The following RBPMS variants were observed in gnomAD, a reference collection of about 807,000 sequenced individuals.
RBPMS encodes the protein RNA-binding protein with multiple splicing.
RBPMS carries 7 observed loss-of-function variants against 26.8 expected under a neutral mutation model. That is an observed-to-expected ratio of 0.26 (90% CI 0.15 to 0.49). RBPMS has a LOEUF of 0.49. Ranked by LOEUF, RBPMS falls within the 20% of genes least tolerant of loss-of-function variation. The pLI, the probability that RBPMS is intolerant of heterozygous loss-of-function variation, is 0.98. For synonymous variants in RBPMS, 96 were observed against 93.3 expected (o/e 1.03, Z -0.17); for missense variants, 186 against 250.0 (o/e 0.74, Z 1.73).
At chr8:30,535,438 A>G (rs1307026787) in intron 5 of RBPMS, among the ~76,000 whole-genome samples, 3 of 152,194 alleles carry the variant, frequency 2.0e-5, no homozygotes, top group Non-Finnish European at 4.4e-5. Flanking sequence ...AAGAAAGGAT[A>G]TCTGGTCTTT....
intron 5 of RBPMS, among the ~76,000 whole-genome samples, chr8:30,523,631 C>T (rs1029392767): frequency 6.6e-6 from 1 of 151,086 alleles, no homozygotes. Flanking sequence ...AAAATTGTAA[C>T]TGTAAAGATA....
chr8:30,421,910 G>A (rs980217537), intron 1 of RBPMS, among the ~76,000 whole-genome samples: 2 of 151,356 alleles, frequency 1.3e-5, no homozygotes, highest in Non-Finnish European at 2.9e-5. Context: ...AGTCAAGATC[G>A]CAACACTGCA....
intron 4 of RBPMS, among the ~76,000 whole-genome samples, chr8:30,502,689 C>T (rs964502580): frequency 1.4e-4 from 22 of 152,290 alleles, no homozygotes; most frequent in Non-Finnish European, 2.6e-4. Flanking sequence ...TTCTTAGGTC[C>T]ATTCTTGGAA....
At chr8:30,500,924 T>C (rs193250190) in intron 4 of RBPMS, among the ~76,000 whole-genome samples, 4 of 152,152 alleles carry the variant, frequency 2.6e-5, no homozygotes, top group Non-Finnish European at 5.9e-5. Context: ...AGTCCCTTCA[T>C]TGAGTCTGTC....
At chr8:30,511,483 AAAAATATATATATATATATATATAT>A (rs1172015110) in intron 5 of RBPMS, among the ~76,000 whole-genome samples, 112 of 4,604 alleles carry the variant, frequency 0.024, 2 homozygotes, top group Middle Eastern at 0.083. Flanking sequence ...AAAAAAAAAA[AAAAATATATATATATATATATATAT>A]ATATATATAT....
chr8:30,490,737 G>A (rs1226861939), intron 4 of RBPMS, among the ~76,000 whole-genome samples: 9 of 152,132 alleles, frequency 5.9e-5, no homozygotes, highest in African/African-American at 2.2e-4. Flanking sequence ...CTGACTTAGA[G>A]TTTATAGATA....
chr8:30,546,681 G>A (rs982585184), intron 6 of RBPMS, among the ~76,000 whole-genome samples: 1 of 152,192 alleles, frequency 6.6e-6, no homozygotes, highest in South Asian at 2.1e-4. Flanking sequence ...CTCTCCTCTG[G>A]TATCAGTTTT....
At position 30,478,603 on chromosome 8, in the gene RBPMS, G is replaced by A. The variant is rs529013546; in HGVS notation, c.184-712G>A. ...CAACCTCCGCCTCCCAGGTTCAAGT[G>A]ATTCTCCTGCCTCAGCCTCCCAAAT... On this transcript the variant is annotated intron_variant, in intron 3 of 8. Transcript: ENST00000397323. Among the ~76,000 whole-genome samples the A allele has an allele frequency of 2.8e-3, 419 of 151,646 alleles. 1 individual carries two copies. Among genetic ancestry groups the A allele is most frequent in the Non-Finnish European group, 3.2e-3 (218 of 67,958 alleles).
chr8:30,443,087 C>T (rs1477808115), intron 1 of RBPMS, among the ~76,000 whole-genome samples: 2 of 152,192 alleles, frequency 1.3e-5, no homozygotes, highest in African/African-American at 4.8e-5. Flanking sequence ...GCAGTGGCTC[C>T]TCCGTACGGA....
chr8:30,522,272 T>TAA (rs570609747), intron 5 of RBPMS, among the ~76,000 whole-genome samples: 10 of 136,232 alleles, frequency 7.3e-5, no homozygotes, highest in South Asian at 2.3e-4. Context: ...CATCTCTATT[T>TAA]AAAAAAAAAA....
In RBPMS at chr8:30,532,768, G is replaced by A. The variant is rs988271428; in HGVS notation, c.398-11726G>A. Among the ~76,000 whole-genome samples, 4 of 152,024 alleles carry A rather than the reference G, an allele frequency of 2.6e-5. No homozygotes were observed. In the South Asian group the frequency reaches 6.2e-4, roughly 24 times the overall value. ...CCCTCCAAAGAGTTCCCAGGTCTTC[G>A]GACACTTTTCAGATGACATACCACA... On this transcript the variant is annotated intron_variant, in intron 5 of 8. Transcript: ENST00000397323.
chr8:30,511,484 A>T (rs969443275), intron 5 of RBPMS, among the ~76,000 whole-genome samples: 162 of 6,080 alleles, frequency 0.027, 1 homozygote, highest in African/African-American at 0.054. Context: ...AAAAAAAAAA[A>T]AAATATATAT....
intron 6 of RBPMS, among the ~76,000 whole-genome samples, chr8:30,548,750 C>T (rs947730309): frequency 6.6e-6 from 1 of 152,192 alleles, no homozygotes; most frequent in African/African-American, 2.4e-5. Flanking sequence ...GGTGGACTAC[C>T]TGAACTGCAG....
Position 30,384,745 on chromosome 8 carries a change from G to GCTTC in RBPMS, c.-331_-328dup, listed in dbSNP as rs746653670. 7.7e-5 allele frequency: 16 copies of GCTTC among 209,026 alleles called. No individual in the cohort carries two copies. Among genetic ancestry groups the GCTTC allele is most frequent in the Admixed American group, 1.8e-4 (3 of 16,464 alleles). The allele number at this position is 209,026 out of a possible 1,614,324, so 12.9% of individuals were successfully genotyped here. On this transcript the variant is annotated 5_prime_UTR_variant, in exon 1 of 9. Coordinates refer to ENST00000397323, the MANE Select transcript of RBPMS (RefSeq NM_001008710.3). The surrounding 1 kb of genome is among the most constrained non-coding windows in gnomAD (Gnocchi z 5.6). ...GACGCGCGTCCTCGCCCCATCCTTTGCTTCCTTCCTTCCTTCCTTCTTCCT... is the reference window on the plus strand; with the variant it reads ...GACGCGCGTCCTCGCCCCATCCTTTGCTTCCTTCCTTCCTTCCTTCCTTCTTCCT...
At chr8:30,438,378 C>G (rs370434991) in intron 1 of RBPMS, among the ~76,000 whole-genome samples, 4 of 152,282 alleles carry the variant, frequency 2.6e-5, no homozygotes, top group African/African-American at 9.6e-5. Context: ...TAAGTGGAAC[C>G]AGGAAGTGTT....
intron 4 of RBPMS, among the ~76,000 whole-genome samples, chr8:30,486,248 G>A (rs1005301719): frequency 6.6e-6 from 1 of 151,950 alleles, no homozygotes; most frequent in African/African-American, 2.4e-5. Flanking sequence ...ACTGAGGCAC[G>A]AGAATCACTT....
intron 6 of RBPMS, among the ~76,000 whole-genome samples, chr8:30,549,761 C>CT (rs199665644): frequency 0.031 from 2,830 of 90,032 alleles, 104 homozygotes; most frequent in African/African-American, 0.15. Flanking sequence ...CTTTTCTTTT[C>CT]TTTTCTTTTC....
intron 1 of RBPMS, among the ~76,000 whole-genome samples, chr8:30,424,490 T>C (rs1351627933): frequency 3.3e-5 from 5 of 152,330 alleles, no homozygotes; most frequent in East Asian, 1.9e-4. Flanking sequence ...TTTTGTGACA[T>C]TGGAAATTTA....
At chr8:30,480,641 A>T (rs534364449) in intron 4 of RBPMS, among the ~76,000 whole-genome samples, 2 of 152,342 alleles carry the variant, frequency 1.3e-5, no homozygotes, top group East Asian at 3.9e-4. Flanking sequence ...CCTCTCCTGT[A>T]TAACAAAGTA....
Sources: allele counts gnomAD v4.1 joint callset (sites outside exome capture counted in the v4.1 genomes callset), GRCh38; gene constraint gnomAD v4.1.1; non-coding constraint Gnocchi (gnomAD v3.1); transcripts MANE v1.5; gene names NCBI Gene and HGNC (gene_info 2026-07-23, HGNC 2026-07-21).